ST18: variants seen among roughly 807,000 people sequenced by gnomAD.
ST18 encodes suppression of tumorigenicity 18 protein.
A neutral mutation model predicts 110.0 loss-of-function variants in ST18; 50 were observed. The observed-to-expected ratio is 0.45, with a 90% CI of 0.36 to 0.58. The LOEUF (loss-of-function observed/expected upper bound fraction) is 0.58, where lower values mean the gene tolerates loss of function less well. ST18 is among the 20% of genes least tolerant of loss of function. The pLI, the probability that ST18 is intolerant of heterozygous loss-of-function variation, is 0.00. For missense variants in ST18, 1,306 were observed against 1,280.1 expected (o/e 1.02, Z -0.31); for synonymous variants, 461 against 452.4 (o/e 1.02, Z -0.24).
Position 52,142,923 on chromosome 8 carries a change from C to A in ST18, c.2168+7G>T. 1.9e-6 allele frequency: 3 copies of A among 1,594,676 alleles called. No homozygotes were observed. On this transcript the variant is annotated splice_region_variant and intron_variant, in intron 17 of 25. Coordinates refer to ENST00000689386, the MANE Select transcript of ST18 (RefSeq NM_001352837.2). The stretch of plus-strand genomic sequence containing the variant: ...TCTTAGAGGGCATGGCATTGGGCAC[C>A]ACTTACGTGATTAGTTCCTTTTTGA...
At chr8:52,252,836 G>T (rs1006406040) in intron 2 of ST18, among the ~76,000 whole-genome samples, 1 of 151,940 alleles carries the variant, frequency 6.6e-6, no homozygotes, top group South Asian at 2.1e-4. Flanking sequence ...GAGAACACTG[G>T]TAATCTTGGG....
chr8:52,332,048 T>A (rs532514354), intron 2 of ST18, among the ~76,000 whole-genome samples: 1 of 152,024 alleles, frequency 6.6e-6, no homozygotes, highest in African/African-American at 2.4e-5. Flanking sequence ...AAAACAAATA[T>A]GTATGTGTGT....
At position 52,161,375 on chromosome 8, in the gene ST18, A is replaced by G; in HGVS notation, c.1594T>C (p.Ser532Pro). The change falls in exon 14 of 26, where the codon TCA becomes CCA. Residue 532 changes from serine (S) to proline (P), a missense_variant and splice_region_variant. Ser to Pro is a moderately conservative substitution (Grantham distance 74). Transcript: ENST00000689386. ...QGRKTPPFPE[S>P]KHFPNPVKFP... ...AACGGCATTAGAGCTCAAAGCTTAC[A>G]TTCAGGAAATGGTGGTGTTTTTCGT... 2.5e-6 allele frequency: 4 copies of G among 1,613,182 alleles called. No homozygotes were observed. The highest frequency in any genetic ancestry group is 3.4e-6 in the Non-Finnish European group (4 of 1,179,378).
intron 2 of ST18, among the ~76,000 whole-genome samples, chr8:52,390,550 C>T (rs1028992005): frequency 5.9e-5 from 9 of 152,090 alleles, no homozygotes; most frequent in African/African-American, 1.4e-4. Flanking sequence ...TGTCCGATTC[C>T]GACATTTGAG....
In ST18 at chr8:52,156,004, A is replaced by G. The variant is rs374753574; in HGVS notation, c.1806+2894T>C. On this transcript the variant is annotated intron_variant, in intron 15 of 25. Transcript: ENST00000689386. ...CTCATTGTGTAAAGGAAAGAACTGG[A>G]TGCAAGCAGAGGAGAATTGAGAAAT... 1.3e-4 allele frequency among the ~76,000 whole-genome samples: 20 copies of G among 152,262 alleles called. 2 individuals are homozygous for G. In the East Asian group the frequency reaches 3.7e-3, roughly 28 times the overall value.
intron 15 of ST18, among the ~76,000 whole-genome samples, chr8:52,153,001 TC>T (rs1257689340): frequency 6.6e-6 from 1 of 152,224 alleles, no homozygotes; most frequent in Non-Finnish European, 1.5e-5. Flanking sequence ...AAATGTGTTT[TC>T]TGAAAAAGAA....
chr8:52,209,928 A>G, intron 8 of ST18: 1 of 364,892 alleles, frequency 2.7e-6, no homozygotes, highest in South Asian at 2.1e-5. Context: ...CTAATACCTA[A>G]CTTTTTCTCT....
chr8:52,344,545 G>T (rs1010524696), intron 2 of ST18, among the ~76,000 whole-genome samples: 1 of 151,912 alleles, frequency 6.6e-6, no homozygotes, highest in African/African-American at 2.4e-5. Context: ...GGATTACGGG[G>T]GCCCACCACC....
chr8:52,205,407 T>C (rs1289463612), intron 8 of ST18, among the ~76,000 whole-genome samples: 3 of 152,092 alleles, frequency 2.0e-5, no homozygotes, highest in Non-Finnish European at 2.9e-5. Flanking sequence ...ACTTGGGAGA[T>C]GGCATTTCAA....
chr8:52,377,279 C>CT (rs1832774716), intron 2 of ST18, among the ~76,000 whole-genome samples: 1 of 152,310 alleles, frequency 6.6e-6, no homozygotes, highest in Non-Finnish European at 1.5e-5. Context: ...TAGCTTTGTT[C>CT]TTTTCTGGTG....
intron 2 of ST18, among the ~76,000 whole-genome samples, chr8:52,276,592 C>G (rs997121320): frequency 1.3e-5 from 2 of 152,068 alleles, no homozygotes; most frequent in Non-Finnish European, 2.9e-5. Context: ...TCCTAGTGCC[C>G]CTCTGCCCAT....
chr8:52,390,467 A>G (rs991491227), intron 2 of ST18, among the ~76,000 whole-genome samples: 1 of 152,354 alleles, frequency 6.6e-6, no homozygotes, highest in Admixed American at 6.5e-5. Context: ...TACAAGAAGG[A>G]CCACAACAGA....
At chr8:52,280,017 T>C (rs1484399936) in intron 2 of ST18, among the ~76,000 whole-genome samples, 1 of 152,080 alleles carries the variant, frequency 6.6e-6, no homozygotes. Context: ...AATATTAAAG[T>C]TTGAAAATAA....
At chr8:52,283,840 G>A (rs149246664) in intron 2 of ST18, among the ~76,000 whole-genome samples, 2,142 of 152,280 alleles carry the variant, frequency 0.014, 12 homozygotes, top group Non-Finnish European at 0.022. Flanking sequence ...GTAAAATTTC[G>A]TCAACTGAGA....
At chr8:52,130,435 C>A (rs1164058370) in intron 22 of ST18, among the ~76,000 whole-genome samples, 1 of 152,114 alleles carries the variant, frequency 6.6e-6, no homozygotes, top group African/African-American at 2.4e-5. Flanking sequence ...GGACCACAGG[C>A]ATGTACCACC....
intron 2 of ST18, among the ~76,000 whole-genome samples, chr8:52,261,497 T>A (rs1313388501): frequency 1.3e-5 from 2 of 152,238 alleles, no homozygotes; most frequent in Non-Finnish European, 2.9e-5. Flanking sequence ...TTGTTCTATG[T>A]TAACTTCAAA....
chr8:52,228,815 C>G (rs1442512798), intron 3 of ST18, among the ~76,000 whole-genome samples: 1 of 152,124 alleles, frequency 6.6e-6, no homozygotes, highest in Non-Finnish European at 1.5e-5. Context: ...ACTCGGCATT[C>G]TTTGACTGTC....
At chr8:52,389,569 G>A (rs543844973) in intron 2 of ST18, among the ~76,000 whole-genome samples, 1 of 152,334 alleles carries the variant, frequency 6.6e-6, no homozygotes, top group Non-Finnish European at 1.5e-5. Flanking sequence ...CTAGGCATGA[G>A]GCAGCGGGGA....
intron 2 of ST18, among the ~76,000 whole-genome samples, chr8:52,331,498 G>T (rs983329658): frequency 7.2e-5 from 11 of 152,008 alleles, no homozygotes; most frequent in Non-Finnish European, 1.2e-4. Flanking sequence ...GACATACCCA[G>T]CCCGTCTCTG....
Sources: gnomAD v4.1 joint callset for allele counts (sites outside exome capture counted in the v4.1 genomes callset) on GRCh38, gnomAD v4.1.1 for gene constraint, MANE v1.5 for transcripts, NCBI Gene and HGNC (gene_info 2026-07-23, HGNC 2026-07-21) for gene names.